The following ATRNL1 variants were observed in gnomAD, a reference collection of about 807,000 sequenced individuals.
ATRNL1 encodes attractin-like protein 1.
A neutral mutation model predicts 182.7 loss-of-function variants in ATRNL1; 95 were observed. The ratio of observed to expected loss-of-function variants is 0.52; its 90% confidence interval spans 0.44 to 0.62. ATRNL1 has a LOEUF of 0.62. Among genes scored for constraint, ATRNL1 ranks in the 20% least tolerant of loss-of-function variants. ATRNL1 has a pLI of 0.00. For missense variants in ATRNL1, 1,471 were observed against 1,679.5 expected, an observed-to-expected ratio of 0.88 and a Z score of 2.17; for synonymous variants, 576 against 568.3, an observed-to-expected ratio of 1.01 and a Z score of -0.19.
intron 28 of ATRNL1, among the ~76,000 whole-genome samples, chr10:115,894,753 T>C (rs1952165260): frequency 6.6e-6 from 1 of 152,154 alleles, no homozygotes; most frequent in Non-Finnish European, 1.5e-5. Context: ...CCAACACAAA[T>C]ATCTCCTTCC....
At chr10:115,140,660 C>G (rs1199207960) in intron 5 of ATRNL1, among the ~76,000 whole-genome samples, 1 of 152,026 alleles carries the variant, frequency 6.6e-6, no homozygotes, top group Non-Finnish European at 1.5e-5. Context: ...TCCTATTGCT[C>G]GATTCTTTTA....
chr10:115,168,794 A>G (rs1286645048), intron 7 of ATRNL1, among the ~76,000 whole-genome samples: 2 of 152,020 alleles, frequency 1.3e-5, no homozygotes, highest in Non-Finnish European at 2.9e-5. Flanking sequence ...TTTAAACACA[A>G]AAAATTGGAC....
chr10:115,287,947 T>TA (rs1852707064), intron 15 of ATRNL1, among the ~76,000 whole-genome samples: 2 of 110,738 alleles, frequency 1.8e-5, no homozygotes, highest in East Asian at 2.3e-4. Context: ...TTTTTTTTTT[T>TA]AGCTTCCACT....
At chr10:115,421,984 G>C (rs1845670642) in intron 20 of ATRNL1, among the ~76,000 whole-genome samples, 1 of 152,088 alleles carries the variant, frequency 6.6e-6, no homozygotes, top group African/African-American at 2.4e-5. Context: ...GTAATACCTG[G>C]CTAGCCATAT....
chr10:115,869,119 G>A (rs893071167), intron 28 of ATRNL1, among the ~76,000 whole-genome samples: 18 of 152,084 alleles, frequency 1.2e-4, no homozygotes, highest in Non-Finnish European at 2.2e-4. Context: ...GTGAGCCACC[G>A]CAGCCGGCCA....
At chr10:115,522,611 T>G (rs1851002032) in intron 25 of ATRNL1, among the ~76,000 whole-genome samples, 1 of 152,148 alleles carries the variant, frequency 6.6e-6, no homozygotes, top group Admixed American at 6.5e-5. Flanking sequence ...TCTTCTCACA[T>G]ACAAAATATA....
intron 28 of ATRNL1, among the ~76,000 whole-genome samples, chr10:115,914,707 C>T (rs1555116740): frequency 6.6e-6 from 1 of 152,138 alleles, no homozygotes; most frequent in East Asian, 1.9e-4. Flanking sequence ...CTGGTGGAGA[C>T]CTTTCCATTT....
chr10:115,374,209 T>A (rs1857540184), intron 19 of ATRNL1, among the ~76,000 whole-genome samples: 1 of 151,854 alleles, frequency 6.6e-6, no homozygotes, highest in African/African-American at 2.4e-5. Flanking sequence ...AACACTTCTT[T>A]AATTTTCTTT....
At chr10:115,813,134 A>C (rs2134261497) in intron 27 of ATRNL1, among the ~76,000 whole-genome samples, 1 of 152,216 alleles carries the variant, frequency 6.6e-6, no homozygotes, top group South Asian at 2.1e-4. Context: ...GGATCATCTA[A>C]ATGACGAGTT....
intron 5 of ATRNL1, among the ~76,000 whole-genome samples, chr10:115,154,532 A>C (rs1040249749): frequency 2.0e-5 from 3 of 152,098 alleles, no homozygotes; most frequent in Non-Finnish European, 4.4e-5. Flanking sequence ...TTGTTGGTTT[A>C]AAGTCTGTTT....
intron 28 of ATRNL1, among the ~76,000 whole-genome samples, chr10:115,896,633 A>G (rs890269400): frequency 1.4e-4 from 22 of 152,180 alleles, no homozygotes; most frequent in Non-Finnish European, 2.6e-4. Flanking sequence ...CTTTGGCCTC[A>G]CTACACAAAT....
chr10:115,898,052 C>T (rs138817285), intron 28 of ATRNL1, among the ~76,000 whole-genome samples: 34 of 152,038 alleles, frequency 2.2e-4, no homozygotes, highest in East Asian at 9.7e-4. Context: ...CTCAGCCTCC[C>T]GAGTAGCTGG....
At chr10:115,536,692 C>T (rs868921125) in intron 25 of ATRNL1, among the ~76,000 whole-genome samples, 9 of 152,334 alleles carry the variant, frequency 5.9e-5, no homozygotes, top group Middle Eastern at 6.8e-3. Flanking sequence ...AGAAATCACC[C>T]GTCTTCTGCG....
At chr10:115,301,782 G>A (rs1368357728) in intron 16 of ATRNL1, 73 bp from the exon 17 acceptor site, 2 of 1,319,170 alleles carry the variant, frequency 1.5e-6, no homozygotes, top group East Asian at 5.4e-5. Context: ...GAACAGCAAA[G>A]CAAAGAAAAC....
At chr10:115,379,738 T>G (rs1322123420) in intron 19 of ATRNL1, among the ~76,000 whole-genome samples, 1 of 152,228 alleles carries the variant, frequency 6.6e-6, no homozygotes, top group African/African-American at 2.4e-5. Context: ...ACTCTGTAAT[T>G]CTCACATCTT....
At chr10:115,531,612 T>A (rs1429390944) in intron 25 of ATRNL1, among the ~76,000 whole-genome samples, 1 of 150,940 alleles carries the variant, frequency 6.6e-6, no homozygotes, top group Admixed American at 6.6e-5. Context: ...TCTTTTGCTG[T>A]GCAGAAGCTC....
chr10:115,737,427 C>A (rs1335431983), intron 27 of ATRNL1, among the ~76,000 whole-genome samples: 4 of 150,942 alleles, frequency 2.7e-5, no homozygotes, highest in Non-Finnish European at 4.4e-5. Flanking sequence ...CAGAGCAAGA[C>A]CCTGTCTAAA....
chr10:115,789,912 T>C (rs973281287), intron 27 of ATRNL1, among the ~76,000 whole-genome samples: 1 of 152,048 alleles, frequency 6.6e-6, no homozygotes, highest in Non-Finnish European at 1.5e-5. Flanking sequence ...AACCAAGAGG[T>C]TATTTTTTTT....
At chr10:115,264,770 T>G (rs1851536902) in intron 10 of ATRNL1, among the ~76,000 whole-genome samples, 1 of 151,716 alleles carries the variant, frequency 6.6e-6, no homozygotes, top group African/African-American at 2.4e-5. Flanking sequence ...ATTCTTTCAG[T>G]GAACATTGTA....
Sources: gnomAD v4.1 joint callset for allele counts (sites outside exome capture counted in the v4.1 genomes callset) on GRCh38, gnomAD v4.1.1 for gene constraint, MANE v1.5 for transcripts, NCBI Gene and HGNC (gene_info 2026-07-23, HGNC 2026-07-21) for gene names.